Variants in PRDM16 observed in about 807,000 individuals in gnomAD.
PRDM16 encodes PR/SET domain 16.
A neutral mutation model predicts 110.6 loss-of-function variants in PRDM16; 23 were observed. That is an observed-to-expected ratio of 0.21 (90% confidence interval 0.15 to 0.29). The LOEUF (loss-of-function observed/expected upper bound fraction) is 0.29. Ranked by LOEUF, PRDM16 falls within the 10% of genes least tolerant of loss-of-function variation. The probability of loss-of-function intolerance (pLI) is 1.00; values close to 1 mark genes in which losing one functional copy is unlikely to be tolerated. For synonymous variants in PRDM16, 799 were observed against 781.8 expected, an observed-to-expected ratio of 1.02 and a Z score of -0.37; for missense variants, 1,615 against 1,794.3, an observed-to-expected ratio of 0.90 and a Z score of 1.81.
At chr1:3,195,803 T>C (rs532232180) in intron 2 of PRDM16, among the ~76,000 whole-genome samples, 1 of 152,320 alleles carries the variant, frequency 6.6e-6, no homozygotes, top group East Asian at 1.9e-4. Context: ...CTCCGGAGCC[T>C]CCTGCCCTTT....
intron 8 of PRDM16, among the ~76,000 whole-genome samples, chr1:3,406,883 C>T (rs943401002): frequency 2.6e-5 from 4 of 152,186 alleles, no homozygotes; most frequent in Admixed American, 6.5e-5. Context: ...GGCCTTGTGC[C>T]GAGTCATCGC....
intron 1 of PRDM16, among the ~76,000 whole-genome samples, chr1:3,138,352 G>A (rs1030128386): frequency 2.0e-5 from 3 of 152,240 alleles, no homozygotes; most frequent in African/African-American, 7.2e-5. Flanking sequence ...TACAAAAGCT[G>A]AGACTGGGGG....
At chr1:3,355,510 G>A (rs1368221980) in intron 3 of PRDM16, among the ~76,000 whole-genome samples, 1 of 152,176 alleles carries the variant, frequency 6.6e-6, no homozygotes, top group Non-Finnish European at 1.5e-5. Flanking sequence ...GGCTCTGCTG[G>A]TTGCAGCTCT....
chr1:3,319,203 C>T (rs975001506), intron 3 of PRDM16, among the ~76,000 whole-genome samples: 4 of 152,094 alleles, frequency 2.6e-5, no homozygotes, highest in African/African-American at 4.8e-5. Context: ...CCCTGCTGCC[C>T]GGCAGGGATG....
chr1:3,280,921 T>A (rs1371951498), intron 3 of PRDM16, among the ~76,000 whole-genome samples: 1 of 152,162 alleles, frequency 6.6e-6, no homozygotes, highest in Non-Finnish European at 1.5e-5. Context: ...TTGTCAAATC[T>A]CCATCCATGG....
intron 3 of PRDM16, among the ~76,000 whole-genome samples, chr1:3,373,173 A>G (rs1376491016): frequency 6.6e-6 from 1 of 152,102 alleles, no homozygotes; most frequent in African/African-American, 2.4e-5. Context: ...CACGGGGGTT[A>G]GGGGAGCCGG....
intron 3 of PRDM16, among the ~76,000 whole-genome samples, chr1:3,371,378 C>T (rs760157413): frequency 1.3e-5 from 2 of 151,836 alleles, no homozygotes; most frequent in Non-Finnish European, 2.9e-5. Context: ...GTCCATCCAC[C>T]CATCCATTCA....
chr1:3,418,785 G>GC, intron 12 of PRDM16, 41 bp downstream of exon 12: 1 of 1,482,782 alleles, frequency 6.7e-7, no homozygotes, highest in Non-Finnish European at 9.4e-7. Flanking sequence ...GGGGCCGCCT[G>GC]CCTCCGTGCA....
intron 3 of PRDM16, among the ~76,000 whole-genome samples, chr1:3,295,677 CCA>C (rs990190342): frequency 2.6e-5 from 4 of 152,204 alleles, no homozygotes; most frequent in Non-Finnish European, 5.9e-5. Context: ...CCACGCTCGC[CCA>C]CAGTGGGCTT....
rs139571795 is a variant in PRDM16, at chr1:3,255,589, C to T, written c.438+11452C>T. ...CAAGCCATCCCCTAACTCTGTGGCT[C>T]GAAACAGCACACGGTGCCCCTCCTT... On this transcript the variant is annotated intron_variant, in intron 3 of 16. Coordinates refer to ENST00000270722, the MANE Select transcript of PRDM16 (RefSeq NM_022114.4). The surrounding 1 kb of genome is among the most constrained non-coding windows in gnomAD (Gnocchi z 4.7). 8.5e-5 allele frequency among the ~76,000 whole-genome samples: 13 copies of T among 152,292 alleles called. No homozygotes were observed. The highest frequency in any genetic ancestry group is 2.1e-4 in the South Asian group (1 of 4,820).
At chr1:3,112,559 G>A (rs1322168857) in intron 1 of PRDM16, among the ~76,000 whole-genome samples, 1 of 152,214 alleles carries the variant, frequency 6.6e-6, no homozygotes, top group East Asian at 1.9e-4. Context: ...GGGGATTGAT[G>A]TTTGCTGCCC....
intron 1 of PRDM16, among the ~76,000 whole-genome samples, chr1:3,093,753 A>T (rs760565): frequency 0.54 from 82,780 of 151,896 alleles, 24,529 homozygotes; most frequent in African/African-American, 0.8. Flanking sequence ...GCTAGCCTGC[A>T]GGAGCTCAGG....
intron 1 of PRDM16, among the ~76,000 whole-genome samples, chr1:3,073,778 G>A (rs1307428405): frequency 2.0e-5 from 3 of 152,196 alleles, no homozygotes; most frequent in African/African-American, 7.2e-5. Flanking sequence ...CGCGCAGCCT[G>A]GCGCCCCGAC....
chr1:3,078,773 C>T lies in PRDM16; in HGVS notation c.37+9477C>T, dbSNP rs575872423. Among the ~76,000 whole-genome samples the T allele has an allele frequency of 3.9e-5, 6 of 152,340 alleles. No homozygotes were observed. In the South Asian group the frequency reaches 1.2e-3, roughly 32 times the overall value. On this transcript the variant is annotated intron_variant, in intron 1 of 16. Transcript: ENST00000270722. ...TGTGACTGGGAGCTCTTGCCCGTGA[C>T]ATGGTTGAATCCCTGTATCTGATCC...
intron 3 of PRDM16, among the ~76,000 whole-genome samples, chr1:3,315,405 G>C (rs1359435115): frequency 6.6e-6 from 1 of 152,164 alleles, no homozygotes; most frequent in Non-Finnish European, 1.5e-5. Context: ...TGGGAGGGGT[G>C]GGGGCTGGCA....
At chr1:3,214,632 G>A (rs896323217) in intron 2 of PRDM16, among the ~76,000 whole-genome samples, 1 of 152,168 alleles carries the variant, frequency 6.6e-6, no homozygotes, top group Non-Finnish European at 1.5e-5. Flanking sequence ...AGGAGGCAGA[G>A]GTTGCAGTGA....
rs1412886637 is a variant in PRDM16, at chr1:3,434,249, C to G, written c.*438C>G. ...TTTATAATGAAATGACAAGAATAACCCTTTTGGTAACCGTATTGACTGCAG... is the reference window on the plus strand; with the variant it reads ...TTTATAATGAAATGACAAGAATAACGCTTTTGGTAACCGTATTGACTGCAG... On this transcript the variant is annotated 3_prime_UTR_variant, in exon 17 of 17. Coordinates refer to ENST00000270722, the MANE Select transcript of PRDM16 (RefSeq NM_022114.4). The G allele has an allele frequency of 1.3e-5, 3 of 238,424 alleles. No homozygotes were observed. The highest frequency in any genetic ancestry group is 2.5e-5 in the Non-Finnish European group (3 of 121,982). The allele number at this position is 238,424 out of a possible 1,614,324, so 14.8% of individuals were successfully genotyped here.
At position 3,385,223 on chromosome 1, in the gene PRDM16, G is replaced by A. The variant is rs898616503; in HGVS notation, c.510G>A (p.Lys170=). The change falls in exon 4 of 17, where the codon AAG becomes AAA. Residue 170 remains lysine, a synonymous_variant. Coordinates refer to ENST00000270722, the MANE Select transcript of PRDM16 (RefSeq NM_022114.4). ...AGGCGGGGGCTGGCAGCTGGCTCAA[G>A]TACATCCGTGTGGCGTGCTCCTGCG... is the stretch of plus-strand genomic sequence containing the variant. The part of the protein sequence containing the change: ...ANQAGAGSWL[K]YIRVACSCDD... 1.2e-6 allele frequency: 2 copies of A among 1,613,658 alleles called. No individual in the cohort carries two copies. The highest frequency in any genetic ancestry group is 2.7e-5 in the African/African-American group (2 of 74,944).
chr1:3,389,898 G>A (rs796341351), intron 4 of PRDM16, among the ~76,000 whole-genome samples: 25 of 152,140 alleles, frequency 1.6e-4, no homozygotes, highest in African/African-American at 5.5e-4. Context: ...GAGCATGAGC[G>A]GAAGGCACAG....
Sources: allele counts gnomAD v4.1 joint callset (sites outside exome capture counted in the v4.1 genomes callset), GRCh38; gene constraint gnomAD v4.1.1; non-coding constraint Gnocchi (gnomAD v3.1); transcripts MANE v1.5; gene names NCBI Gene and HGNC (gene_info 2026-07-23, HGNC 2026-07-21).